Variants in UNC5A observed in about 807,000 individuals in gnomAD.
UNC5A encodes netrin receptor UNC5A.
A neutral mutation model predicts 87.4 loss-of-function variants in UNC5A; 20 were observed. That is an observed-to-expected ratio of 0.23 (90% CI 0.16 to 0.33). UNC5A has a LOEUF of 0.33. Ranked by LOEUF, UNC5A falls within the 10% of genes least tolerant of loss-of-function variation. UNC5A has a pLI of 1.00. For synonymous variants in UNC5A, 438 were observed against 482.3 expected, an observed-to-expected ratio of 0.91 and a Z score of 1.20; for missense variants, 844 against 1,133.4, an observed-to-expected ratio of 0.74 and a Z score of 3.67.
intron 1 of UNC5A, among the ~76,000 whole-genome samples, chr5:176,833,101 G>T (rs1404829983): frequency 6.6e-6 from 1 of 152,208 alleles, no homozygotes; most frequent in African/African-American, 2.4e-5. Flanking sequence ...ACCCTCTCAG[G>T]CCGAGGCCAA....
Position 176,854,513 on chromosome 5 carries a change from C to G in UNC5A, c.71-8111C>G, listed in dbSNP as rs552461268. Among the ~76,000 whole-genome samples, 14 of 152,344 alleles carry G rather than the reference C, an allele frequency of 9.2e-5. No individual in the cohort carries two copies. In the East Asian group the frequency reaches 2.7e-3, roughly 29 times the overall value. On this transcript the variant is annotated intron_variant, in intron 1 of 14. Transcript: ENST00000329542. ...CACTGGGCTCCTGCTCCCCCTGCCC[C>G]CTGCCGCTGTGCCCCCTGGCTCCCT...
intron 14 of UNC5A, 103 bp downstream of exon 14, chr5:176,879,591 C>T (rs1055002549): frequency 6.5e-7 from 1 of 1,544,174 alleles, no homozygotes; most frequent in Non-Finnish European, 8.7e-7. Context: ...GCCTGTGCCG[C>T]ATCTACTAGT....
intron 1 of UNC5A, among the ~76,000 whole-genome samples, chr5:176,834,114 C>T (rs573730419): frequency 1.3e-5 from 2 of 152,254 alleles, no homozygotes; most frequent in South Asian, 2.1e-4. Context: ...GGTGGAGCAC[C>T]GCGGAGCTGT....
At position 176,855,033 on chromosome 5, in the gene UNC5A, G is replaced by A. The variant is rs531832230; in HGVS notation, c.71-7591G>A. Among the ~76,000 whole-genome samples, 116 of 152,304 alleles carry A rather than the reference G, an allele frequency of 7.6e-4. 1 individual carries two copies. In the Middle Eastern group the frequency reaches 0.014, roughly 18 times the overall value. ...GATGGAAAGATCCTGACTCCAACTA[G>A]CTTCAGCCAAAAAAAGGAATGTACT... On this transcript the variant is annotated intron_variant, in intron 1 of 14. Transcript: ENST00000329542.
intron 1 of UNC5A, among the ~76,000 whole-genome samples, chr5:176,822,821 G>A (rs1348441995): frequency 6.6e-6 from 1 of 152,218 alleles, no homozygotes; most frequent in Non-Finnish European, 1.5e-5. Context: ...GGAGTGGACA[G>A]GCAATCCCAG....
At position 176,874,528 on chromosome 5, in the gene UNC5A, T is replaced by C; in HGVS notation, c.1340T>C (p.Phe447Ser). 1 of 1,587,410 alleles carries C rather than the reference T, an allele frequency of 6.3e-7. No homozygotes were observed. The highest frequency in any genetic ancestry group is 8.6e-7 in the Non-Finnish European group (1 of 1,163,398). The change falls in exon 8 of 15, where the codon TTC (phenylalanine) becomes TCC (serine). Residue 447 changes from phenylalanine to serine, a missense_variant. Phe to Ser is a radical substitution (Grantham distance 155, BLOSUM62 -2). This residue lies in a region of UNC5A where 353 missense variants were observed against 387.5 expected (regional missense o/e 0.91). Transcript: ENST00000329542. This position sits in a 1 kb window ranked among gnomAD's most constrained non-coding sequence, Gnocchi z 7.6. ...ACCAGCAACATGACCTATGGGACCT[T>C]CAACTTCCTCGGGGGCCGGCTGATG... ...RGTSNMTYGT[F>S]NFLGGRLMIP...
At chr5:176,840,094 C>A (rs1247273567) in intron 1 of UNC5A, among the ~76,000 whole-genome samples, 2 of 152,094 alleles carry the variant, frequency 1.3e-5, no homozygotes, top group African/African-American at 2.4e-5. Context: ...TGACCTCAAG[C>A]AGTCAGCGCA....
chr5:176,874,630 G>A lies in UNC5A; in HGVS notation c.1378+64G>A, dbSNP rs553814051. 3.5e-4 allele frequency: 515 copies of A among 1,473,148 alleles called. No individual in the cohort carries two copies. The highest frequency in any genetic ancestry group is 4.2e-4 in the Non-Finnish European group (465 of 1,106,246). 91.3% of individuals were successfully genotyped at this position (1,473,148 alleles called of 1,614,324 possible). The stretch of plus-strand genomic sequence containing the variant: ...CCTCCTGGAGGAGGACGGGACAGCC[G>A]GACGTTCCTCTCGTGCCCCTCGGTG... On this transcript the variant is annotated intron_variant, in intron 8 of 14. Transcript: ENST00000329542. The surrounding 1 kb of genome is among the most constrained non-coding windows in gnomAD (Gnocchi z 7.6).
intron 2 of UNC5A, among the ~76,000 whole-genome samples, chr5:176,867,487 G>A (rs976957514): frequency 1.8e-4 from 27 of 152,302 alleles, no homozygotes; most frequent in African/African-American, 6.3e-4. Context: ...CCCTTCGGAT[G>A]CAGACAGTCC....
rs2149369186 is a variant in UNC5A, at chr5:176,874,073, A to T, written c.992A>T (p.Lys331Met). Residue 331 changes from lysine to methionine, a missense_variant, in exon 7 of 15, where the codon AAG becomes ATG. Coordinates refer to ENST00000329542, the MANE Select transcript of UNC5A (RefSeq NM_133369.3). This position sits in a 1 kb window ranked among gnomAD's most constrained non-coding sequence, Gnocchi z 7.6. ...LVLILVYCRKKEGLDSDVADS... is the reference protein window; with the variant it reads ...LVLILVYCRKMEGLDSDVADS... ...CTCATCCTCGTTTATTGCCGGAAGA[A>T]GGAGGGGCTGGACTCAGATGTGGCT... 5 of 1,614,086 alleles carry T rather than the reference A, an allele frequency of 3.1e-6. No individual in the cohort carries two copies. Among genetic ancestry groups the T allele is most frequent in the African/African-American group, 1.3e-5 (1 of 75,036 alleles).
Position 176,868,888 on chromosome 5 carries a change from C to T in UNC5A, c.645C>T (p.Asp215=), listed in dbSNP as rs1445756044. ...SLVVRQARLA[D]TANYTCVAKN... ...TGGTGCGACAGGCCCGCCTTGCTGACACGGCCAACTACACCTGCGTGGCCA... is the reference window on the plus strand; with the variant it reads ...TGGTGCGACAGGCCCGCCTTGCTGATACGGCCAACTACACCTGCGTGGCCA... The change falls in exon 5 of 15, where the codon GAC becomes GAT. Residue 215 remains aspartate (D), a synonymous_variant. Coordinates refer to ENST00000329542, the MANE Select transcript of UNC5A (RefSeq NM_133369.3). 6.2e-7 allele frequency: 1 copy of T among 1,612,756 alleles called. No individual in the cohort carries two copies. The highest frequency in any genetic ancestry group is 1.7e-5 in the Admixed American group (1 of 59,994).
At chr5:176,834,029 A>G (rs923467533) in intron 1 of UNC5A, among the ~76,000 whole-genome samples, 5 of 152,032 alleles carry the variant, frequency 3.3e-5, no homozygotes, top group Non-Finnish European at 7.4e-5. Context: ...TTATTCTCTC[A>G]TTCATCAACT....
rs1581282463 is a variant in UNC5A at position 176,878,513 on chromosome 5, G to A, written c.2058G>A (p.Arg686=). 1 of 1,613,204 alleles carries A rather than the reference G, an allele frequency of 6.2e-7. No individual in the cohort carries two copies. Among genetic ancestry groups the A allele is most frequent in the Non-Finnish European group, 8.5e-7 (1 of 1,179,952 alleles). The change falls in exon 13 of 15, where the codon CGG becomes CGA. Residue 686 remains arginine, a synonymous_variant. Transcript: ENST00000329542. ...ATCACATCTGGAATGGCACGCAGCG[G>A]TACTTGCACTGCACCTTCACCCTGG... ...PFYHIWNGTQ[R]YLHCTFTLER...
At chr5:176,854,933 G>T (rs549264322) in intron 1 of UNC5A, among the ~76,000 whole-genome samples, 23 of 152,342 alleles carry the variant, frequency 1.5e-4, no homozygotes, top group Middle Eastern at 3.4e-3. Context: ...CCTGGAGGAG[G>T]GGGTGTTTGA....
At position 176,810,790 on chromosome 5, in the gene UNC5A, A is replaced by G. The variant is rs1316596072; in HGVS notation, c.40A>G (p.Ile14Val). Residue 14 changes from isoleucine to valine, a missense_variant, in exon 1 of 15, where the codon ATA becomes GTA. By Grantham distance (29) the Ile-to-Val change is conservative (BLOSUM62 3). This residue lies in a region of UNC5A where 314 missense variants were observed against 466.5 expected (regional missense o/e 0.67). Transcript: ENST00000329542. The surrounding 1 kb of genome is among the most constrained non-coding windows in gnomAD (Gnocchi z 7.3). ...RPGLWPALLG[I>V]VLAAWLRGSG... Reference sequence around the variant, plus strand: ...CGGCCTGTGGCCAGCGCTCCTGGGCATAGTCCTCGCCGCTTGGCTCCGCGG... The same window carrying G: ...CGGCCTGTGGCCAGCGCTCCTGGGCGTAGTCCTCGCCGCTTGGCTCCGCGG... The G allele has an allele frequency of 1.7e-6, 2 of 1,205,630 alleles. No homozygotes were observed. The highest frequency in any genetic ancestry group is 1.0e-6 in the Non-Finnish European group (1 of 972,134). The allele number at this position is 1,205,630 out of a possible 1,614,324, so 74.7% of individuals were successfully genotyped here. A position where few individuals can be genotyped will look rare whatever the true frequency, so the allele number is the denominator to read the frequency against.
chr5:176,870,330 G>T (rs367940795), intron 5 of UNC5A, 40 bp from the exon 6 acceptor site: 56 of 1,602,288 alleles, frequency 3.5e-5, no homozygotes, highest in Non-Finnish European at 4.7e-5. Context: ...GGGCTCCCAG[G>T]CTGACCGCAC....
At chr5:176,856,599 G>A (rs1757672747) in intron 1 of UNC5A, among the ~76,000 whole-genome samples, 1 of 152,190 alleles carries the variant, frequency 6.6e-6, no homozygotes, top group African/African-American at 2.4e-5. Flanking sequence ...AGGCTCAGGG[G>A]ATGGAGCAGG....
chr5:176,820,496 C>G (rs1756701577), intron 1 of UNC5A, among the ~76,000 whole-genome samples: 1 of 152,218 alleles, frequency 6.6e-6, no homozygotes, highest in South Asian at 2.1e-4. Flanking sequence ...GCTCATATAT[C>G]TGCATTTGGC....
chr5:176,839,964 A>C (rs992166842), intron 1 of UNC5A, among the ~76,000 whole-genome samples: 19 of 151,718 alleles, frequency 1.3e-4, no homozygotes, highest in African/African-American at 4.4e-4. Context: ...CTTGTGGTCT[A>C]CTGCCTCAGC....
Sources: gnomAD v4.1 joint callset for allele counts (sites outside exome capture counted in the v4.1 genomes callset) on GRCh38, gnomAD v4.1.1 for gene constraint, gnomAD v4.1.1 regional missense constraint, Gnocchi (gnomAD v3.1) non-coding constraint, MANE v1.5 for transcripts, NCBI Gene and HGNC (gene_info 2026-07-23, HGNC 2026-07-21) for gene names.